The following SPINK9 variants were observed in gnomAD, a reference collection of about 807,000 sequenced individuals.
The protein encoded by SPINK9 is serine peptidase inhibitor Kazal type 9.
SPINK9 carries 3 observed loss-of-function variants against 10.8 expected under a neutral mutation model. The ratio of observed to expected loss-of-function variants is 0.28; its 90% CI spans 0.13 to 0.72. SPINK9 has a LOEUF of 0.72. Ranked by LOEUF, SPINK9 falls within the 30% of genes least tolerant of loss-of-function variation. The pLI is 0.74. For missense variants in SPINK9, 101 were observed against 103.2 expected (o/e 0.98, Z 0.09); for synonymous variants, 30 against 31.2 (o/e 0.96, Z 0.12).
At chr5:148,325,390 C>A (rs1288670611) in intron 2 of SPINK9, among the ~76,000 whole-genome samples, 1 of 152,018 alleles carries the variant, frequency 6.6e-6, no homozygotes, top group Non-Finnish European at 1.5e-5. Context: ...TACATTTATA[C>A]CAGCGATGTA....
At chr5:148,325,977 C>T (rs72834752) in intron 2 of SPINK9, among the ~76,000 whole-genome samples, 15,992 of 151,942 alleles carry the variant, frequency 0.11, 1,003 homozygotes, top group Non-Finnish European at 0.14. Context: ...GATTATTCTC[C>T]GAAGAATTGT....
chr5:148,339,185 A>G (rs1003320329), intron 3 of SPINK9, among the ~76,000 whole-genome samples: 3 of 152,276 alleles, frequency 2.0e-5, no homozygotes, highest in Non-Finnish European at 2.9e-5. Flanking sequence ...TAGTTTAAAG[A>G]TTATAAACTA....
intron 3 of SPINK9, among the ~76,000 whole-genome samples, chr5:148,338,837 A>G (rs1427183333): frequency 1.3e-5 from 2 of 152,128 alleles, no homozygotes; most frequent in African/African-American, 2.4e-5. Context: ...GAAAGGAAAT[A>G]TATGGTCATC....
intron 2 of SPINK9, among the ~76,000 whole-genome samples, chr5:148,337,875 T>C (rs1172419178): frequency 1.3e-5 from 2 of 152,170 alleles, no homozygotes; most frequent in South Asian, 2.1e-4. Context: ...TGAAAAACTT[T>C]TCTTGGGAAT....
At chr5:148,336,396 T>C in intron 1 of SPINK9, 26 bp from the exon 2 acceptor site, 5 of 1,612,858 alleles carry the variant, frequency 3.1e-6, no homozygotes, top group Non-Finnish European at 4.2e-6. Context: ...GAGTTTAATA[T>C]TGCCTTGTCT....
intron 1 of SPINK9, 99 bp from the exon 2 acceptor site, chr5:148,336,323 T>A: frequency 7.9e-7 from 1 of 1,272,776 alleles, no homozygotes; most frequent in Non-Finnish European, 1.1e-6. Flanking sequence ...TACATTTTTA[T>A]GACAGGCTGA....
At chr5:148,324,033 A>G (rs1048186784) in intron 2 of SPINK9, among the ~76,000 whole-genome samples, 3 of 152,180 alleles carry the variant, frequency 2.0e-5, no homozygotes, top group Non-Finnish European at 4.4e-5. Context: ...ACAAAAATCT[A>G]AAGAAACAAT....
intron 2 of SPINK9, among the ~76,000 whole-genome samples, chr5:148,327,259 C>T (rs1337856084): frequency 1.3e-5 from 2 of 152,084 alleles, no homozygotes; most frequent in African/African-American, 2.4e-5. Context: ...TCTCTGATGG[C>T]CAGTGATGAT....
chr5:148,339,593 T>C, intron 3 of SPINK9, 74 bp from the exon 4 acceptor site: 2 of 1,301,334 alleles, frequency 1.5e-6, no homozygotes, highest in Non-Finnish European at 2.2e-6. Flanking sequence ...TTGGGATTCA[T>C]TAGTGAAGTT....
At chr5:148,328,720 TG>T (rs1446568742) in intron 2 of SPINK9, among the ~76,000 whole-genome samples, 2 of 152,220 alleles carry the variant, frequency 1.3e-5, no homozygotes, top group African/African-American at 2.4e-5. Context: ...GAAGTGTTGT[TG>T]AATTTTGTCA....
At chr5:148,335,860 T>C (rs1415718478) in intron 1 of SPINK9, among the ~76,000 whole-genome samples, 192 bp downstream of exon 1, 3 of 152,226 alleles carry the variant, frequency 2.0e-5, no homozygotes, top group Non-Finnish European at 2.9e-5. Flanking sequence ...TTAACAGTCA[T>C]CTAAAGTCAA....
exon 2 of SPINK9, chr5:148,323,721 T>A (rs1257137693): frequency 1.5e-6 from 1 of 677,084 alleles, no homozygotes; most frequent in African/African-American, 1.8e-5. Context: ...GATTTGTCTC[T>A]CTGTGTGATC....
chr5:148,324,285 T>A (rs184858718), intron 2 of SPINK9, among the ~76,000 whole-genome samples: 1 of 152,242 alleles, frequency 6.6e-6, no homozygotes, highest in East Asian at 1.9e-4. Flanking sequence ...GTTTATCCCA[T>A]TAAAACATGG....
chr5:148,324,983 G>C (rs1757041038), intron 2 of SPINK9, among the ~76,000 whole-genome samples: 1 of 151,928 alleles, frequency 6.6e-6, no homozygotes, highest in Admixed American at 6.6e-5. Flanking sequence ...TCTAATTTCT[G>C]TCTGTGGACT....
chr5:148,322,599 T>A (rs1346528867), intron 1 of SPINK9, among the ~76,000 whole-genome samples: 1 of 152,194 alleles, frequency 6.6e-6, no homozygotes, highest in East Asian at 1.9e-4. Flanking sequence ...CTATATCTTA[T>A]GATACCTGGA....
At chr5:148,336,335 A>G in intron 1 of SPINK9, 87 bp from the exon 2 acceptor site, 1 of 1,387,488 alleles carries the variant, frequency 7.2e-7, no homozygotes, top group Middle Eastern at 1.8e-4. Context: ...ACAGGCTGAA[A>G]GCTAAAGCAT....
At chr5:148,332,811 T>C (rs1343060046), upstream of SPINK9, among the ~76,000 whole-genome samples, 1 of 152,198 alleles carries the variant, frequency 6.6e-6, no homozygotes, top group Admixed American at 6.5e-5. Flanking sequence ...CTACTTGCTC[T>C]CTGAGATGCT....
chr5:148,329,112 T>C (rs1251095763), intron 2 of SPINK9, among the ~76,000 whole-genome samples: 1 of 152,202 alleles, frequency 6.6e-6, no homozygotes, highest in African/African-American at 2.4e-5. Context: ...TGGTAGAATC[T>C]GGCTGTGAAT....
chr5:148,331,803 A>G (rs138710724), upstream of SPINK9, among the ~76,000 whole-genome samples: 372 of 152,334 alleles, frequency 2.4e-3, 1 homozygote, highest in African/African-American at 8.6e-3. Flanking sequence ...ATTCACCATA[A>G]AAGAATTTAT....
Sources: allele counts gnomAD v4.1 joint callset (sites outside exome capture counted in the v4.1 genomes callset), GRCh38; gene constraint gnomAD v4.1.1; transcripts MANE v1.5; gene names NCBI Gene and HGNC (gene_info 2026-07-23, HGNC 2026-07-21).